SLC25A30: variants seen among roughly 807,000 people sequenced by gnomAD.
SLC25A30 encodes the protein kidney mitochondrial carrier protein 1.
A neutral mutation model predicts 42.7 loss-of-function variants in SLC25A30; 29 were observed. The observed-to-expected ratio is 0.68, with a 90% confidence interval of 0.51 to 0.93. The LOEUF (loss-of-function observed/expected upper bound fraction) is 0.93. SLC25A30 is among the 40% of genes least tolerant of loss of function. SLC25A30 has a pLI of 0.00. For synonymous variants in SLC25A30, 124 were observed against 131.0 expected, an observed-to-expected ratio of 0.95 and a Z score of 0.37; for missense variants, 300 against 359.7, an observed-to-expected ratio of 0.83 and a Z score of 1.34.
At chr13:45,402,642 A>AT in intron 5 of SLC25A30, 1 of 466,588 alleles carries the variant, frequency 2.1e-6, no homozygotes, top group Non-Finnish European at 2.8e-6. Context: ...GGAGAAACTG[A>AT]TTTTTGTGAA....
At chr13:45,396,352 A>G in intron 9 of SLC25A30, 32 of 1,139,094 alleles carry the variant, frequency 2.8e-5, no homozygotes, top group East Asian at 4.9e-5. Context: ...GAGAGTTAGC[A>G]AGCCCTGGGA....
the SLC25A30 span, among the ~76,000 whole-genome samples, chr13:45,425,883 G>T: frequency 6.8e-6 from 1 of 146,634 alleles, no homozygotes; most frequent in Admixed American, 7.0e-5. Flanking sequence ...AGTGGAGACA[G>T]GGTTTCATCA....
At chr13:45,396,172 T>C in intron 9 of SLC25A30, 157 bp from the exon 10 acceptor site, 1 of 1,511,172 alleles carries the variant, frequency 6.6e-7, no homozygotes, top group Non-Finnish European at 8.8e-7. Flanking sequence ...CTTAACCACA[T>C]CAAACTATCT....
At chr13:45,401,305 G>A in intron 6 of SLC25A30, 98 bp from the exon 7 acceptor site, 1 of 1,275,776 alleles carries the variant, frequency 7.8e-7, no homozygotes, top group Non-Finnish European at 1.1e-6. Context: ...CTATGATCAA[G>A]GTTTATCTTT....
At chr13:45,408,848 T>G in intron 3 of SLC25A30, 79 bp downstream of exon 3, 1 of 1,268,518 alleles carries the variant, frequency 7.9e-7, no homozygotes, top group East Asian at 2.7e-5. Context: ...TTACTTGTGA[T>G]CTGTGCAGTC....
the SLC25A30 span, among the ~76,000 whole-genome samples, chr13:45,425,508 A>G: frequency 9.0e-6 from 1 of 111,656 alleles, no homozygotes; most frequent in African/African-American, 3.4e-5. Context: ...ATATAGAAAT[A>G]TATATAAGCA....
intron 2 of SLC25A30, among the ~76,000 whole-genome samples, chr13:45,410,219 G>A (rs1014453526): frequency 5.9e-5 from 9 of 152,232 alleles, no homozygotes; most frequent in Admixed American, 1.3e-4. Flanking sequence ...ACTGGATAAT[G>A]TGCATCATCA....
At chr13:45,414,635 TACACACACACACACACACAC>T (rs145462442) in intron 1 of SLC25A30, among the ~76,000 whole-genome samples, 9 of 139,906 alleles carry the variant, frequency 6.4e-5, no homozygotes, top group African/African-American at 1.8e-4. Flanking sequence ...CACACACACA[TACACACACACACACACACAC>T]ACACACACAC....
chr13:45,393,832 G>A lies in SLC25A30; in HGVS notation c.*2142C>T, dbSNP rs1362212181. On this transcript the variant is annotated 3_prime_UTR_variant, in exon 10 of 10. Transcript: ENST00000519676. ...AAATCGTGCTTAAGTTTTACCATGAGGTTTGAATTTCTTTCCACCTTGGTA... is the reference window on the plus strand; with the variant it reads ...AAATCGTGCTTAAGTTTTACCATGAAGTTTGAATTTCTTTCCACCTTGGTA... 1.0e-6 allele frequency: 1 copy of A among 985,164 alleles called. No homozygotes were observed. Among genetic ancestry groups the A allele is most frequent in the Non-Finnish European group, 1.2e-6 (1 of 829,836 alleles). The allele number at this position is 985,164 out of a possible 1,614,324, so 61.0% of individuals were successfully genotyped here.
chr13:45,396,778 C>CA (rs551638171), intron 9 of SLC25A30: 33 of 158,932 alleles, frequency 2.1e-4, no homozygotes, highest in South Asian at 1.1e-3. Flanking sequence ...GTCTCAAAAA[C>CA]AAAAAAAAAG....
In SLC25A30 at chr13:45,414,635, T is replaced by TACACACACACAC. The variant is rs145462442; in HGVS notation, c.-55-3167_-55-3156dup. 9.2e-3 allele frequency among the ~76,000 whole-genome samples: 1,283 copies of TACACACACACAC among 139,990 alleles called. 15 individuals are homozygous for TACACACACACAC. Among genetic ancestry groups the TACACACACACAC allele is most frequent in the South Asian group, 0.023 (96 of 4,240 alleles). The allele number at this position is 139,990 out of a possible 152,430, so 91.8% of individuals were successfully genotyped here. A position where few individuals can be genotyped will look rare whatever the true frequency, so the allele number is the denominator to read the frequency against. On this transcript the variant is annotated intron_variant, in intron 1 of 9. Transcript: ENST00000519676. Reference sequence around the variant, plus strand: ...TTTGTCTCAAACACACACACACACATACACACACACACACACACACACACA... The same window carrying TACACACACACAC: ...TTTGTCTCAAACACACACACACACATACACACACACACACACACACACACACACACACACACA...
chr13:45,394,831 T>G lies in SLC25A30; in HGVS notation c.*1143A>C. Reference sequence around the variant, plus strand: ...CATTTTTAAAATTTCAAGCAGGTATTTTCCATCCAAACTAAACAGAAAGTC... The same window carrying G: ...CATTTTTAAAATTTCAAGCAGGTATGTTCCATCCAAACTAAACAGAAAGTC... On this transcript the variant is annotated 3_prime_UTR_variant, in exon 10 of 10. Coordinates refer to ENST00000519676, the MANE Select transcript of SLC25A30 (RefSeq NM_001010875.4). The G allele has an allele frequency of 2.0e-6, 2 of 985,428 alleles. No individual in the cohort carries two copies. Among genetic ancestry groups the G allele is most frequent in the Non-Finnish European group, 2.4e-6 (2 of 829,920 alleles). 61.0% of individuals were successfully genotyped at this position (985,428 alleles called of 1,614,324 possible). A position where few individuals can be genotyped will look rare whatever the true frequency, so the allele number is the denominator to read the frequency against.
At chr13:45,407,137 C>T (rs1031955014) in intron 3 of SLC25A30, among the ~76,000 whole-genome samples, 1 of 152,194 alleles carries the variant, frequency 6.6e-6, no homozygotes, top group Non-Finnish European at 1.5e-5. Flanking sequence ...GTGGCTCACA[C>T]CTGTAATCCC....
At chr13:45,397,139 A>G in intron 9 of SLC25A30, 119 bp downstream of exon 9, 6 of 726,314 alleles carry the variant, frequency 8.3e-6, no homozygotes, top group Non-Finnish European at 1.4e-5. Context: ...TCTTAGCATC[A>G]GAGGAACTCA....
chr13:45,417,300 C>T (rs1224640136), intron 1 of SLC25A30, among the ~76,000 whole-genome samples: 6 of 152,156 alleles, frequency 3.9e-5, no homozygotes, highest in African/African-American at 4.8e-5. Flanking sequence ...CCTGAGCCAC[C>T]GCTCCCAGCC....
At chr13:45,402,525 A>G (rs1221092855) in intron 5 of SLC25A30, among the ~76,000 whole-genome samples, 155 bp from the exon 6 acceptor site, 1 of 152,244 alleles carries the variant, frequency 6.6e-6, no homozygotes, top group Non-Finnish European at 1.5e-5. Context: ...ATGCTACCTT[A>G]AAATGACTAA....
At chr13:45,396,055 T>A in intron 9 of SLC25A30, 40 bp from the exon 10 acceptor site, 1 of 1,614,152 alleles carries the variant, frequency 6.2e-7, no homozygotes, top group Non-Finnish European at 8.5e-7. Flanking sequence ...AAATGCCATC[T>A]TCACAACTCC....
Position 45,399,011 on chromosome 13 carries a change from T to C in SLC25A30, c.682A>G (p.Met228Val), listed in dbSNP as rs780289646. ...TCTCGAAGCACTCTCTGATTCATCA[T>C]ACGTGTCCTCACAACATCAACAGGG... ...SNPVDVVRTR[M>V]MNQRVLRDGR... Residue 228 changes from methionine (M) to valine (V), a missense_variant, in exon 8 of 10, where the codon ATG (methionine) becomes GTG (valine). Coordinates refer to ENST00000519676, the MANE Select transcript of SLC25A30 (RefSeq NM_001010875.4). The C allele has an allele frequency of 1.1e-5, 17 of 1,613,928 alleles. No individual in the cohort carries two copies. Among genetic ancestry groups the C allele is most frequent in the South Asian group, 8.8e-5 (8 of 91,074 alleles).
At chr13:45,423,299 G>C (rs1883939482), upstream of SLC25A30, among the ~76,000 whole-genome samples, 1 of 151,652 alleles carries the variant, frequency 6.6e-6, no homozygotes, top group Non-Finnish European at 1.5e-5. Flanking sequence ...TGTTCCACTA[G>C]ACACAATAGT....
Sources: allele counts gnomAD v4.1 joint callset (sites outside exome capture counted in the v4.1 genomes callset), GRCh38; gene constraint gnomAD v4.1.1; transcripts MANE v1.5; gene names NCBI Gene and HGNC (gene_info 2026-07-23, HGNC 2026-07-21).